Variants in OIT3 observed in about 807,000 individuals in gnomAD.
OIT3 encodes oncoprotein-induced transcript 3 protein.
In OIT3, 41 loss-of-function variants were observed where a neutral mutation model predicts 52.2. The observed-to-expected ratio is 0.79, with a 90% CI of 0.61 to 1.02. The LOEUF (loss-of-function observed/expected upper bound fraction) is 1.02. OIT3 is among the 50% of genes least tolerant of loss of function. The pLI is 0.00. For synonymous variants in OIT3, 244 were observed against 276.9 expected, an observed-to-expected ratio of 0.88 and a Z score of 1.18; for missense variants, 634 against 715.5, an observed-to-expected ratio of 0.89 and a Z score of 1.30.
chr10:72,907,712 A>C (rs1845992904), intron 4 of OIT3, among the ~76,000 whole-genome samples: 2 of 152,144 alleles, frequency 1.3e-5, no homozygotes, highest in South Asian at 4.1e-4. Context: ...CTTTGTGTTT[A>C]TGGGAGAGGA....
chr10:72,930,021 T>TA (rs1320677666), intron 7 of OIT3, among the ~76,000 whole-genome samples: 1 of 152,242 alleles, frequency 6.6e-6, no homozygotes, highest in African/African-American at 2.4e-5. Context: ...AACCAGTTAT[T>TA]ATCTAAGAAA....
intron 6 of OIT3, among the ~76,000 whole-genome samples, chr10:72,923,655 A>T (rs1385844056): frequency 2.0e-5 from 3 of 152,212 alleles, no homozygotes; most frequent in Non-Finnish European, 2.9e-5. Flanking sequence ...TGCTGACCTG[A>T]ACACACCTAT....
At chr10:72,919,026 A>G (rs1488044571) in intron 6 of OIT3, among the ~76,000 whole-genome samples, 5 of 152,328 alleles carry the variant, frequency 3.3e-5, no homozygotes, top group Middle Eastern at 3.4e-3. Flanking sequence ...GTTTAATGGG[A>G]AAGCAGTGAG....
chr10:72,900,328 T>C, intron 2 of OIT3, 49 bp from the exon 3 acceptor site: 2 of 913,942 alleles, frequency 2.2e-6, no homozygotes, highest in South Asian at 3.0e-5. Context: ...AATGAAAGAG[T>C]GTCTTCTGGT....
chr10:72,896,068 G>A lies in OIT3; in HGVS notation c.61+2209G>A, dbSNP rs183216099. ...TATTATTTAATTAGTTATAGAAGAT[G>A]GTAGATAAACTTTTCCTCCTCATAC... On this transcript the variant is annotated intron_variant, in intron 1 of 8. Coordinates refer to ENST00000334011, the MANE Select transcript of OIT3 (RefSeq NM_152635.3). 8.0e-3 allele frequency among the ~76,000 whole-genome samples: 1,211 copies of A among 152,154 alleles called. 9 individuals are homozygous for A. Among genetic ancestry groups the A allele is most frequent in the Non-Finnish European group, 0.013 (887 of 67,992 alleles).
At chr10:72,927,125 C>CATTTT (rs913669829) in intron 7 of OIT3, among the ~76,000 whole-genome samples, 4 of 151,942 alleles carry the variant, frequency 2.6e-5, no homozygotes, top group Admixed American at 6.6e-5. Flanking sequence ...AGTGAAGGAC[C>CATTTT]ATTTTATTTT....
rs565446243 is a variant in OIT3, at chr10:72,931,492, A to C, written c.1467+855A>C. Among the ~76,000 whole-genome samples the C allele has an allele frequency of 1.6e-3, 237 of 152,288 alleles. 2 individuals are homozygous for C. Among genetic ancestry groups the C allele is most frequent in the African/African-American group, 5.3e-3 (219 of 41,560 alleles). ...AGAGAGTGAGACCCTGTCTCTAAAAACAAACAAAACAAATTTTTAAGCCAA... is the reference window on the plus strand; with the variant it reads ...AGAGAGTGAGACCCTGTCTCTAAAACCAAACAAAACAAATTTTTAAGCCAA... On this transcript the variant is annotated intron_variant, in intron 8 of 8. Coordinates refer to ENST00000334011, the MANE Select transcript of OIT3 (RefSeq NM_152635.3).
chr10:72,932,751 C>T lies in OIT3; in HGVS notation c.*227C>T, dbSNP rs1049324620. On this transcript the variant is annotated 3_prime_UTR_variant, in exon 9 of 9. Transcript: ENST00000334011. ...GGTTTCATCTTTCTAGGGTTGAAAA[C>T]TAAACTGTCCACCCAGAAAGACACT... is the stretch of plus-strand genomic sequence containing the variant. 2.3e-6 allele frequency: 1 copy of T among 436,058 alleles called. No homozygotes were observed. The highest frequency in any genetic ancestry group is 4.0e-6 in the Non-Finnish European group (1 of 248,270). 27.0% of individuals were successfully genotyped at this position (436,058 alleles called of 1,614,324 possible).
In OIT3 at chr10:72,932,509, C is replaced by T. The variant is rs201990213; in HGVS notation, c.1623C>T (p.Ile541=). The change falls in exon 9 of 9, where the codon ATC becomes ATT. Residue 541 remains isoleucine, a synonymous_variant. Transcript: ENST00000334011. ...CGCTAACAGGCGGCCCGATCCGCAT[C>T]GACTGGGAGGACTAGTTCGTAGCCA... is the stretch of plus-strand genomic sequence containing the variant. ...GQTLTGGPIR[I]DWED is the part of the protein sequence containing the mutation. 9.3e-6 allele frequency: 15 copies of T among 1,606,726 alleles called. No homozygotes were observed. In the African/African-American group the frequency reaches 1.2e-4, roughly 13 times the overall value.
intron 6 of OIT3, among the ~76,000 whole-genome samples, chr10:72,923,491 C>T (rs1846139260): frequency 6.6e-6 from 1 of 152,098 alleles, no homozygotes; most frequent in Admixed American, 6.5e-5. Context: ...CATAGAGCAA[C>T]TGAACTGTGC....
chr10:72,923,471 G>T (rs961225740), intron 6 of OIT3, among the ~76,000 whole-genome samples: 2 of 152,138 alleles, frequency 1.3e-5, no homozygotes, highest in East Asian at 3.9e-4. Flanking sequence ...AAGCAGTCTA[G>T]CCCTGCTTTC....
intron 4 of OIT3, among the ~76,000 whole-genome samples, chr10:72,907,736 G>A (rs561432719): frequency 6.6e-6 from 1 of 151,958 alleles, no homozygotes; most frequent in South Asian, 2.1e-4. Flanking sequence ...CAGTTTGGGG[G>A]GATAAATAAA....
At chr10:72,916,822 A>G (rs1438005511) in intron 6 of OIT3, among the ~76,000 whole-genome samples, 1 of 152,164 alleles carries the variant, frequency 6.6e-6, no homozygotes, top group Non-Finnish European at 1.5e-5. Flanking sequence ...CTTTTTCTCC[A>G]CAACCTCACC....
intron 7 of OIT3, among the ~76,000 whole-genome samples, chr10:72,927,658 C>T (rs1216775814): frequency 6.6e-6 from 1 of 152,190 alleles, no homozygotes; most frequent in Non-Finnish European, 1.5e-5. Context: ...CAGCTCTTGG[C>T]ATGGCTCATA....
intron 7 of OIT3, among the ~76,000 whole-genome samples, chr10:72,927,697 C>T (rs767395459): frequency 6.6e-6 from 1 of 152,146 alleles, no homozygotes; most frequent in Non-Finnish European, 1.5e-5. Context: ...TCAGCCCCCT[C>T]GAGTTTCTGC....
intron 5 of OIT3, among the ~76,000 whole-genome samples, chr10:72,913,065 T>C (rs1001925891): frequency 6.6e-6 from 1 of 152,242 alleles, no homozygotes; most frequent in African/African-American, 2.4e-5. Flanking sequence ...CAATGTTTGG[T>C]GAATTGAAAG....
In OIT3 at chr10:72,911,737, A is replaced by G. The variant is rs750633409; in HGVS notation, c.688A>G (p.Asn230Asp). Reference protein sequence around the residue: ...TCEDVEGCHNNNGGCSHSCLG... With the variant: ...TCEDVEGCHNDNGGCSHSCLG... ...TGCAGACGTTGAAGGATGCCACAAT[A>G]ACAATGGTGGCTGCAGCCACTCTTG... Residue 230 changes from asparagine to aspartate, a missense_variant, in exon 5 of 9, where the codon AAC becomes GAC. Asn to Asp is a conservative substitution (Grantham distance 23). Coordinates refer to ENST00000334011, the MANE Select transcript of OIT3 (RefSeq NM_152635.3). 3 of 1,613,474 alleles carry G rather than the reference A, an allele frequency of 1.9e-6. No individual in the cohort carries two copies. Among genetic ancestry groups the G allele is most frequent in the East Asian group, 2.2e-5 (1 of 44,878 alleles).
At position 72,906,660 on chromosome 10, in the gene OIT3, C is replaced by G; in HGVS notation, c.609C>G (p.Ser203=). Residue 203 remains serine (S), a synonymous_variant, in exon 4 of 9, where the codon TCC becomes TCG. Transcript: ENST00000334011. ...AGATCTGTGTGAACCTCAAAAACTC[C>G]TACCGCTGTGAGTGTGGGGTTGGCC... The part of the protein sequence containing the change: ...CSEICVNLKN[S]YRCECGVGRV... 2.5e-6 allele frequency: 4 copies of G among 1,612,664 alleles called. 1 individual carries two copies. The highest frequency in any genetic ancestry group is 3.3e-4 in the Middle Eastern group (2 of 6,054).
intron 4 of OIT3, among the ~76,000 whole-genome samples, chr10:72,908,496 A>T (rs1845999830): frequency 6.6e-6 from 1 of 152,220 alleles, no homozygotes; most frequent in South Asian, 2.1e-4. Context: ...ATTTTATTTC[A>T]TGCAACAAAC....
Sources: gnomAD v4.1 joint callset for allele counts (sites outside exome capture counted in the v4.1 genomes callset) on GRCh38, gnomAD v4.1.1 for gene constraint, MANE v1.5 for transcripts, NCBI Gene and HGNC (gene_info 2026-07-23, HGNC 2026-07-21) for gene names.